Variants in YLPM1 observed in about 807,000 individuals in gnomAD.
YLPM1 encodes YLP motif containing 1.
In YLPM1, 99 loss-of-function variants were observed where a neutral mutation model predicts 230.0. That is an observed-to-expected ratio of 0.43 (90% CI 0.37 to 0.51). YLPM1 has a LOEUF of 0.51. Among genes scored for constraint, YLPM1 ranks in the 20% least tolerant of loss-of-function variants. The probability of loss-of-function intolerance (pLI) is 0.00; values close to 1 mark genes in which losing one functional copy is unlikely to be tolerated. For missense variants in YLPM1, 2,592 were observed against 2,707.7 expected (o/e 0.96, Z 0.95); for synonymous variants, 984 against 942.5 (o/e 1.04, Z -0.81).
At position 74,781,886 on chromosome 14, in the gene YLPM1, C is replaced by T. The variant is rs1420805662; in HGVS notation, c.1843C>T (p.Pro615Ser). ...CCCACCATCTCTCTCTTCAACAGCA[C>T]CTCCACCTGTCATGCCCCTCCCACC... ...LPPPSLSSTAPPPVMPLPPLS... is the reference protein window; with the variant it reads ...LPPPSLSSTASPPVMPLPPLS... The change falls in exon 4 of 21, where the codon CCT (proline) becomes TCT (serine). Residue 615 changes from proline to serine, a missense_variant. Coordinates refer to ENST00000325680, the MANE Select transcript of YLPM1 (RefSeq NM_019589.3). The T allele has an allele frequency of 6.2e-7, 1 of 1,613,734 alleles. No individual in the cohort carries two copies. The highest frequency in any genetic ancestry group is 8.5e-7 in the Non-Finnish European group (1 of 1,179,804).
chr14:74,827,312 T>A (rs1251448382), intron 18 of YLPM1: 1 of 982,762 alleles, frequency 1.0e-6, no homozygotes, highest in Non-Finnish European at 1.2e-6. Flanking sequence ...ATTCTGTAAT[T>A]AACACCCCAG....
intron 5 of YLPM1, among the ~76,000 whole-genome samples, chr14:74,802,054 A>G (rs978020222): frequency 1.3e-5 from 2 of 151,892 alleles, no homozygotes; most frequent in African/African-American, 4.8e-5. Context: ...GTCTCTACTA[A>G]AAAAATACAA....
chr14:74,810,447 G>A, intron 9 of YLPM1, 27 bp downstream of exon 9: 1 of 1,607,282 alleles, frequency 6.2e-7, no homozygotes, highest in Middle Eastern at 1.7e-4. Flanking sequence ...TCTTTGCTAG[G>A]TGTACAAATT....
At chr14:74,828,653 A>G (rs1259273823) in intron 18 of YLPM1, among the ~76,000 whole-genome samples, 1 of 152,108 alleles carries the variant, frequency 6.6e-6, no homozygotes, top group Non-Finnish European at 1.5e-5. Context: ...GTGATCTCAT[A>G]TAGTCAGCTT....
At chr14:74,799,718 C>T in intron 5 of YLPM1, 21 bp downstream of exon 5, 1 of 1,569,184 alleles carries the variant, frequency 6.4e-7, no homozygotes, top group Non-Finnish European at 8.6e-7. Context: ...TCCTTCAGAT[C>T]CTTTCTTTTA....
chr14:74,817,253 A>G lies in YLPM1; in HGVS notation c.5922A>G (p.Gly1974=), dbSNP rs1488146311. Residue 1974 remains glycine (G), a synonymous_variant, in exon 15 of 21, where the codon GGA becomes GGG. Transcript: ENST00000325680. ...NQTCGKRNIH[G]RKLKEINKMA... is the part of the protein sequence containing the mutation. ...CTTGTGGCAAGAGAAATATTCATGG[A>G]AGAAAGCTTAAAGAAATAAATAAGG... is the stretch of plus-strand genomic sequence containing the variant. The G allele has an allele frequency of 3.0e-5, 48 of 1,591,718 alleles. No individual in the cohort carries two copies. Among genetic ancestry groups the G allele is most frequent in the Non-Finnish European group, 4.1e-5 (48 of 1,168,084 alleles).
chr14:74,810,787 G>T (rs1233788393), intron 9 of YLPM1, among the ~76,000 whole-genome samples: 1 of 151,996 alleles, frequency 6.6e-6, no homozygotes, highest in African/African-American at 2.4e-5. Flanking sequence ...AAAGGGAAAG[G>T]GGGGCAAGCC....
chr14:74,781,708 G>A lies in YLPM1; in HGVS notation c.1665G>A (p.Val555=), dbSNP rs2091094645. The change falls in exon 4 of 21, where the codon GTG becomes GTA. Residue 555 remains valine, a synonymous_variant. Transcript: ENST00000325680. The stretch of plus-strand genomic sequence containing the variant: ...TGCCCCCTGCCCTCCCTGCTACAGT[G>A]CCACCACCTGGCATGCCCCCACCTG... ...PVMPPALPAT[V]PPPGMPPPVM... is the part of the protein sequence containing the mutation. 1 of 1,600,910 alleles carries A rather than the reference G, an allele frequency of 6.2e-7. No individual in the cohort carries two copies. Among genetic ancestry groups the A allele is most frequent in the Non-Finnish European group, 8.5e-7 (1 of 1,176,778 alleles).
Position 74,781,908 on chromosome 14 carries a change from C to T in YLPM1, c.1865C>T (p.Pro622Leu), listed in dbSNP as rs777039902. ...GCACCTCCACCTGTCATGCCCCTCC[C>T]ACCATTGTCTTCAGCTACACCTCCT... Reference protein sequence around the residue: ...STAPPPVMPLPPLSSATPPPG... With the variant: ...STAPPPVMPLLPLSSATPPPG... Residue 622 changes from proline (P) to leucine (L), a missense_variant, in exon 4 of 21, where the codon CCA becomes CTA. Pro to Leu is a moderately conservative substitution (Grantham distance 98). Coordinates refer to ENST00000325680, the MANE Select transcript of YLPM1 (RefSeq NM_019589.3). 3 of 1,613,858 alleles carry T rather than the reference C, an allele frequency of 1.9e-6. No individual in the cohort carries two copies. The highest frequency in any genetic ancestry group is 1.1e-5 in the South Asian group (1 of 91,082).
intron 2 of YLPM1, 90 bp from the exon 3 acceptor site, chr14:74,780,315 T>C (rs907155519): frequency 6.9e-7 from 1 of 1,456,692 alleles, no homozygotes; most frequent in Non-Finnish European, 9.1e-7. Context: ...TTCTGAGTTG[T>C]AGGGATTCTG....
intron 18 of YLPM1, among the ~76,000 whole-genome samples, chr14:74,828,329 T>TTTA (rs1267111730): frequency 6.6e-6 from 1 of 152,200 alleles, no homozygotes; most frequent in East Asian, 1.9e-4. Context: ...GATTCAAAAG[T>TTTA]TTAGTGCTTC....
chr14:74,771,236 T>G (rs1364345853), intron 1 of YLPM1, among the ~76,000 whole-genome samples: 2 of 152,168 alleles, frequency 1.3e-5, no homozygotes. Context: ...AAGTTAGATA[T>G]AGCTCTGGAG....
chr14:74,767,633 CT>C (rs1421535768), intron 1 of YLPM1, among the ~76,000 whole-genome samples: 2 of 152,220 alleles, frequency 1.3e-5, no homozygotes, highest in African/African-American at 4.8e-5. Flanking sequence ...CAAGTATCCC[CT>C]GGAGACAAAA....
chr14:74,769,717 C>G (rs67898541), intron 1 of YLPM1, among the ~76,000 whole-genome samples: 1 of 151,342 alleles, frequency 6.6e-6, no homozygotes, highest in Non-Finnish European at 1.5e-5. Flanking sequence ...GCTGCCACGC[C>G]GGGCCTGTAA....
chr14:74,768,507 A>G (rs2090937165), intron 1 of YLPM1, among the ~76,000 whole-genome samples: 1 of 152,194 alleles, frequency 6.6e-6, no homozygotes, highest in Non-Finnish European at 1.5e-5. Flanking sequence ...TCGGCCTCCC[A>G]AAGTGCTGGG....
At chr14:74,795,805 T>G (rs1425144681) in intron 4 of YLPM1, among the ~76,000 whole-genome samples, 2 of 152,250 alleles carry the variant, frequency 1.3e-5, no homozygotes, top group Admixed American at 1.3e-4. Flanking sequence ...TTAATTTATC[T>G]GTTATAATCG....
chr14:74,827,470 G>A, intron 18 of YLPM1: 1 of 985,344 alleles, frequency 1.0e-6, no homozygotes, highest in African/African-American at 1.7e-5. Flanking sequence ...TTCAAAAAGG[G>A]TGCTCAGACT....
At chr14:74,829,393 A>G (rs754335393) in intron 19 of YLPM1, 50 bp downstream of exon 19, 1 of 1,607,460 alleles carries the variant, frequency 6.2e-7, no homozygotes, top group Admixed American at 1.7e-5. Context: ...CCATTTAGGC[A>G]TCTGGTTTTA....
chr14:74,816,129 T>G, intron 11 of YLPM1, 74 bp from the exon 12 acceptor site: 1 of 1,371,050 alleles, frequency 7.3e-7, no homozygotes, highest in Non-Finnish European at 1.0e-6. Context: ...TGGTAGGTCA[T>G]TGTTAACTGT....
Sources: gnomAD v4.1 joint callset for allele counts (sites outside exome capture counted in the v4.1 genomes callset) on GRCh38, gnomAD v4.1.1 for gene constraint, MANE v1.5 for transcripts, NCBI Gene and HGNC (gene_info 2026-07-23, HGNC 2026-07-21) for gene names.